PTK2B: variants seen among roughly 807,000 people sequenced by gnomAD.
The protein encoded by PTK2B is protein tyrosine kinase 2 beta.
PTK2B carries 71 observed loss-of-function variants against 142.9 expected under a neutral mutation model. The ratio of observed to expected loss-of-function variants is 0.50; its 90% confidence interval spans 0.41 to 0.61. The LOEUF is 0.61. PTK2B is among the 20% of genes least tolerant of loss of function. The pLI, the probability that PTK2B is intolerant of heterozygous loss-of-function variation, is 0.00. For synonymous variants in PTK2B, 519 were observed against 503.4 expected (o/e 1.03, Z -0.42); for missense variants, 1,105 against 1,320.4 (o/e 0.84, Z 2.53).
intron 1 of PTK2B, among the ~76,000 whole-genome samples, chr8:27,335,934 G>A (rs1182953119): frequency 6.6e-6 from 1 of 152,236 alleles, no homozygotes; most frequent in Non-Finnish European, 1.5e-5. Context: ...GAAGTGAGAA[G>A]GCGAGGTACC....
intron 1 of PTK2B, among the ~76,000 whole-genome samples, chr8:27,394,778 TTC>T (rs1227470179): frequency 2.0e-5 from 3 of 152,256 alleles, no homozygotes; most frequent in Admixed American, 1.3e-4. Flanking sequence ...CAAAAATATT[TTC>T]TTTCTTTATA....
intron 1 of PTK2B, among the ~76,000 whole-genome samples, chr8:27,336,529 G>T (rs1804074970): frequency 6.6e-6 from 1 of 151,916 alleles, no homozygotes; most frequent in Non-Finnish European, 1.5e-5. Context: ...AATAAGGAGG[G>T]CTGCTAAAAA....
At chr8:27,343,385 C>T (rs1331857890) in intron 1 of PTK2B, among the ~76,000 whole-genome samples, 1 of 152,138 alleles carries the variant, frequency 6.6e-6, no homozygotes, top group Non-Finnish European at 1.5e-5. Flanking sequence ...TGCTCTTTTA[C>T]TTTGTTACGA....
intron 24 of PTK2B, 58 bp from the exon 25 acceptor site, chr8:27,450,691 C>A: frequency 6.2e-7 from 1 of 1,601,372 alleles, no homozygotes; most frequent in Non-Finnish European, 8.5e-7. Context: ...ACTGTCCCTC[C>A]CTGAGTCTGA....
rs1563280519 is a variant in PTK2B, at chr8:27,430,996, A to G, written c.790A>G (p.Thr264Ala). 1 of 1,613,880 alleles carries G rather than the reference A, an allele frequency of 6.2e-7. No individual in the cohort carries two copies. Residue 264 changes from threonine to alanine, a missense_variant, in exon 8 of 31, where the codon ACC becomes GCC. Physicochemically the swap from Thr to Ala is moderately conservative, Grantham distance 58. Transcript: ENST00000346049. ...LAGFANIDQETYRCELIQGWN... is the reference protein window; with the variant it reads ...LAGFANIDQEAYRCELIQGWN... ...CGGCTTCGCCAACATCGACCAGGAGACCTACCGCTGTGAACTCATTGTAAT... is the reference window on the plus strand; with the variant it reads ...CGGCTTCGCCAACATCGACCAGGAGGCCTACCGCTGTGAACTCATTGTAAT...
At chr8:27,392,333 C>T (rs1341583146) in intron 1 of PTK2B, among the ~76,000 whole-genome samples, 1 of 146,214 alleles carries the variant, frequency 6.8e-6, no homozygotes, top group African/African-American at 2.5e-5. Context: ...TTTTCTGGAG[C>T]ACTACTGACA....
chr8:27,311,407 G>A (rs1802965381), upstream of PTK2B: 6 of 836,286 alleles, frequency 7.2e-6, no homozygotes, highest in South Asian at 7.5e-5. Context: ...GGGGAGGGAG[G>A]GGGCGCTCGG....
chr8:27,394,573 T>TACTATGC (rs1807925570), intron 1 of PTK2B, among the ~76,000 whole-genome samples: 1 of 152,248 alleles, frequency 6.6e-6, no homozygotes, highest in Non-Finnish European at 1.5e-5. Flanking sequence ...CACAGGACAT[T>TACTATGC]ACTATGCACT....
intron 2 of PTK2B, among the ~76,000 whole-genome samples, chr8:27,401,628 A>G (rs1436977717): frequency 6.6e-6 from 1 of 152,210 alleles, no homozygotes; most frequent in Non-Finnish European, 1.5e-5. Context: ...GAGACTAAGA[A>G]TTGCTAAAGT....
At chr8:27,315,158 A>G (rs1803065294) in intron 3 of PTK2B, among the ~76,000 whole-genome samples, 1 of 152,120 alleles carries the variant, frequency 6.6e-6, no homozygotes, top group Non-Finnish European at 1.5e-5. Context: ...CACTAACTCT[A>G]ATTGCCTTCA....
At chr8:27,315,629 G>A (rs1803078728) in intron 3 of PTK2B, among the ~76,000 whole-genome samples, 1 of 151,462 alleles carries the variant, frequency 6.6e-6, no homozygotes, top group African/African-American at 2.4e-5. Context: ...TATTTTGTTG[G>A]GTCTTTTTTT....
At chr8:27,360,966 CT>C (rs1378372571) in intron 1 of PTK2B, among the ~76,000 whole-genome samples, 1 of 152,070 alleles carries the variant, frequency 6.6e-6, no homozygotes, top group Non-Finnish European at 1.5e-5. Flanking sequence ...AGGATTTGTG[CT>C]TTTTGTTGAT....
intron 2 of PTK2B, among the ~76,000 whole-genome samples, chr8:27,416,514 AAAAATT>A (rs1809409573): frequency 1.6e-5 from 2 of 127,732 alleles, no homozygotes; most frequent in African/African-American, 2.7e-5. Flanking sequence ...TCACAAAACT[AAAAATT>A]AAAACTGTGA....
intron 1 of PTK2B, among the ~76,000 whole-genome samples, chr8:27,377,203 G>A (rs1179964676): frequency 1.3e-5 from 2 of 152,162 alleles, no homozygotes; most frequent in Non-Finnish European, 2.9e-5. Flanking sequence ...GGTTGTTTTT[G>A]CCAAAAGGGG....
At chr8:27,399,781 G>A (rs147555277) in intron 2 of PTK2B, among the ~76,000 whole-genome samples, 2 of 152,314 alleles carry the variant, frequency 1.3e-5, no homozygotes, top group East Asian at 1.9e-4. Flanking sequence ...AATGCCACCT[G>A]CTTATTGCAA....
intron 2 of PTK2B, among the ~76,000 whole-genome samples, chr8:27,413,553 A>T (rs151198077): frequency 9.9e-4 from 151 of 152,258 alleles, no homozygotes; most frequent in African/African-American, 3.2e-3. Flanking sequence ...TCATGACTAG[A>T]TCAGGCCACA....
rs1453175878 is a variant in PTK2B, at chr8:27,405,934, C to T, written c.204+8146C>T. Among the ~76,000 whole-genome samples the T allele has an allele frequency of 2.0e-5, 3 of 152,208 alleles. No homozygotes were observed. The East Asian group carries it at 5.8e-4, about 29-fold the overall frequency. Reference sequence around the variant, plus strand: ...CTCAGAAGGTATATAACCAGTGTATCAGTTTTCTATGGCTGCCACTGCAAA... The same window carrying T: ...CTCAGAAGGTATATAACCAGTGTATTAGTTTTCTATGGCTGCCACTGCAAA... On this transcript the variant is annotated intron_variant, in intron 2 of 30. Coordinates refer to ENST00000346049, the MANE Select transcript of PTK2B (RefSeq NM_173176.3).
chr8:27,336,295 C>G (rs1804059595), intron 1 of PTK2B, among the ~76,000 whole-genome samples: 1 of 152,202 alleles, frequency 6.6e-6, no homozygotes, highest in Non-Finnish European at 1.5e-5. Flanking sequence ...AAGAACATCT[C>G]TCATAAGATA....
chr8:27,436,107 C>G, intron 14 of PTK2B, 144 bp from the exon 15 acceptor site: 2 of 801,888 alleles, frequency 2.5e-6, no homozygotes, highest in Non-Finnish European at 4.1e-6. Flanking sequence ...ATTCTAGACC[C>G]CCATTTCCCC....
Sources: gnomAD v4.1 joint callset for allele counts (sites outside exome capture counted in the v4.1 genomes callset) on GRCh38, gnomAD v4.1.1 for gene constraint, MANE v1.5 for transcripts, NCBI Gene and HGNC (gene_info 2026-07-23, HGNC 2026-07-21) for gene names.